POT1: variants seen among roughly 807,000 people sequenced by gnomAD.
POT1 encodes the protein protection of telomeres 1, also known as protection of telomeres protein 1.
A neutral mutation model predicts 78.5 loss-of-function variants in POT1; 47 were observed. The observed-to-expected ratio is 0.60, with a 90% CI of 0.47 to 0.76. The LOEUF (loss-of-function observed/expected upper bound fraction) is 0.76. Among genes scored for constraint, POT1 ranks in the 30% least tolerant of loss-of-function variants. POT1 has a pLI of 0.00. For missense variants in POT1, 646 were observed against 749.9 expected, an observed-to-expected ratio of 0.86 and a Z score of 1.62; for synonymous variants, 259 against 260.7, an observed-to-expected ratio of 0.99 and a Z score of 0.06.
intron 14 of POT1, chr7:124,837,303 ATAT>A (rs940797709): frequency 1.9e-5 from 3 of 156,512 alleles, no homozygotes; most frequent in African/African-American, 7.2e-5. Context: ...TTAATAATAA[ATAT>A]TATGATAAAA....
intron 2 of POT1, among the ~76,000 whole-genome samples, chr7:124,916,711 T>C (rs1206815872): frequency 1.3e-5 from 2 of 152,122 alleles, no homozygotes; most frequent in East Asian, 3.9e-4. Context: ...TTCCCAGACA[T>C]CTGTAAGAAA....
At chr7:124,862,267 G>C (rs970804100) in intron 8 of POT1, among the ~76,000 whole-genome samples, 7 of 152,102 alleles carry the variant, frequency 4.6e-5, no homozygotes, top group East Asian at 3.8e-4. Context: ...TAGAATTTAA[G>C]AATTTTCTAA....
chr7:124,904,072 A>C (rs1796696926), intron 3 of POT1, among the ~76,000 whole-genome samples: 1 of 152,212 alleles, frequency 6.6e-6, no homozygotes, highest in African/African-American at 2.4e-5. Flanking sequence ...TCCACAGCTG[A>C]ATTCTACCAG....
chr7:124,828,539 A>G, intron 16 of POT1, among the ~76,000 whole-genome samples: 1 of 152,204 alleles, frequency 6.6e-6, no homozygotes, highest in Admixed American at 6.5e-5. Context: ...AGACATTAAT[A>G]CAGGGGAACT....
chr7:124,831,515 C>G (rs1016681535), intron 15 of POT1, among the ~76,000 whole-genome samples: 2 of 151,996 alleles, frequency 1.3e-5, no homozygotes, highest in Non-Finnish European at 2.9e-5. Context: ...TTTTTTACTA[C>G]AACCACATCA....
intron 9 of POT1, chr7:124,858,688 C>T: frequency 4.6e-6 from 1 of 218,944 alleles, no homozygotes; most frequent in Non-Finnish European, 8.8e-6. Flanking sequence ...TCTCACACAA[C>T]AAAATTTTTC....
chr7:124,838,854 C>T (rs969309217), intron 14 of POT1, among the ~76,000 whole-genome samples: 7 of 152,128 alleles, frequency 4.6e-5, no homozygotes, highest in Non-Finnish European at 1.0e-4. Flanking sequence ...ATCTGCCTGC[C>T]TCGGCCTCCC....
intron 15 of POT1, among the ~76,000 whole-genome samples, chr7:124,829,700 A>T (rs1794714769): frequency 1.5e-5 from 1 of 65,868 alleles, no homozygotes; most frequent in South Asian, 3.6e-4. Context: ...TGATTCTATG[A>T]TCTATATCTA....
chr7:124,856,390 T>C lies in POT1; in HGVS notation c.702+2567A>G, dbSNP rs534637631. Among the ~76,000 whole-genome samples the C allele has an allele frequency of 2.6e-5, 4 of 152,304 alleles. No homozygotes were observed. The East Asian group carries it at 5.8e-4, about 22-fold the overall frequency. ...AGAGAAAAATCATTTTCATATTGCA[T>C]TGCAGACAAATAATATAATGCTATT... On this transcript the variant is annotated intron_variant, in intron 9 of 18. Transcript: ENST00000357628.
chr7:124,894,038 A>T (rs1047362545), intron 5 of POT1, among the ~76,000 whole-genome samples: 1 of 151,614 alleles, frequency 6.6e-6, no homozygotes, highest in Non-Finnish European at 1.5e-5. Context: ...GTGGTTTACA[A>T]GGACATGTTT....
At position 124,861,236 on chromosome 7, in the gene POT1, G is replaced by A. The variant is rs531115243; in HGVS notation, c.546+2114C>T. 5.9e-5 allele frequency among the ~76,000 whole-genome samples: 9 copies of A among 152,218 alleles called. No individual in the cohort carries two copies. The South Asian group carries it at 8.3e-4, about 14-fold the overall frequency. On this transcript the variant is annotated intron_variant, in intron 8 of 18. Transcript: ENST00000357628. ...ACACTCCCACCAACAGTGTAAAAGCGCTCCTTTTTCTCCACATCCTCTCCA... is the reference window on the plus strand; with the variant it reads ...ACACTCCCACCAACAGTGTAAAAGCACTCCTTTTTCTCCACATCCTCTCCA...
chr7:124,884,899 T>TA (rs1303956318), intron 6 of POT1, among the ~76,000 whole-genome samples: 1 of 152,152 alleles, frequency 6.6e-6, no homozygotes, highest in Non-Finnish European at 1.5e-5. Flanking sequence ...GTCTCAAGTT[T>TA]AAAAAATAGC....
chr7:124,866,673 T>G (rs937576043), intron 7 of POT1, among the ~76,000 whole-genome samples: 3 of 152,204 alleles, frequency 2.0e-5, no homozygotes, highest in Non-Finnish European at 4.4e-5. Flanking sequence ...TTCAGCTTAC[T>G]GTGCAGTGGT....
At chr7:124,830,857 T>C (rs1177535290) in intron 15 of POT1, among the ~76,000 whole-genome samples, 1 of 151,982 alleles carries the variant, frequency 6.6e-6, no homozygotes, top group African/African-American at 2.4e-5. Flanking sequence ...TAAAAAGGCA[T>C]GGAATACACT....
At chr7:124,834,382 A>G (rs1172890585) in intron 15 of POT1, among the ~76,000 whole-genome samples, 1 of 152,146 alleles carries the variant, frequency 6.6e-6, no homozygotes, top group Non-Finnish European at 1.5e-5. Flanking sequence ...TAGACTCTAC[A>G]AAGAACTTAA....
chr7:124,893,442 A>G (rs1460616999), intron 5 of POT1, among the ~76,000 whole-genome samples: 1 of 151,498 alleles, frequency 6.6e-6, no homozygotes, highest in Non-Finnish European at 1.5e-5. Flanking sequence ...GTAGATAAGA[A>G]ATGAAAACTT....
chr7:124,866,981 T>G (rs986184694), intron 7 of POT1, among the ~76,000 whole-genome samples: 1 of 152,188 alleles, frequency 6.6e-6, no homozygotes, highest in African/African-American at 2.4e-5. Flanking sequence ...TCTGATTGAT[T>G]CTTGGTTCTG....
intron 7 of POT1, among the ~76,000 whole-genome samples, chr7:124,864,702 C>T (rs968149262): frequency 6.6e-6 from 1 of 152,124 alleles, no homozygotes; most frequent in African/African-American, 2.4e-5. Flanking sequence ...TTCTACTTCA[C>T]AAATATCTTT....
At chr7:124,912,699 T>A (rs1283730263) in intron 3 of POT1, among the ~76,000 whole-genome samples, 2 of 152,188 alleles carry the variant, frequency 1.3e-5, no homozygotes, top group African/African-American at 4.8e-5. Context: ...TATTGTTTAA[T>A]AAATGTGTGA....
Sources: gnomAD v4.1 joint callset for allele counts (sites outside exome capture counted in the v4.1 genomes callset) on GRCh38, gnomAD v4.1.1 for gene constraint, MANE v1.5 for transcripts, NCBI Gene and HGNC (gene_info 2026-07-23, HGNC 2026-07-21) for gene names.